LRBA: variants seen among roughly 807,000 people sequenced by gnomAD.
LRBA encodes the protein LPS responsive beige-like anchor protein, also known as lipopolysaccharide-responsive and beige-like anchor protein.
LRBA carries 176 observed loss-of-function variants against 330.0 expected under a neutral mutation model. The ratio of observed to expected loss-of-function variants is 0.53; its 90% CI spans 0.47 to 0.60. The LOEUF (loss-of-function observed/expected upper bound fraction) is 0.60, where lower values mean the gene tolerates loss of function less well. Among genes scored for constraint, LRBA ranks in the 20% least tolerant of loss-of-function variants. The pLI is 0.00. For missense variants in LRBA, 3,259 were observed against 3,444.8 expected (o/e 0.95, Z 1.35); for synonymous variants, 1,230 against 1,193.0 (o/e 1.03, Z -0.64).
chr4:150,559,825 AATATAAAATATAATAT>A (rs1767968128), intron 40 of LRBA, among the ~76,000 whole-genome samples: 1 of 60,874 alleles, frequency 1.6e-5, no homozygotes, highest in Non-Finnish European at 3.1e-5. Flanking sequence ...AATATATAAT[AATATAAAATATAATAT>A]ATATAATAAT....
chr4:150,529,684 T>C (rs1763849079), intron 40 of LRBA, among the ~76,000 whole-genome samples: 1 of 150,070 alleles, frequency 6.7e-6, no homozygotes, highest in African/African-American at 2.5e-5. Context: ...ATCATGCCAC[T>C]GCACTCCAGC....
At chr4:150,590,222 C>T (rs1270682354) in intron 39 of LRBA, among the ~76,000 whole-genome samples, 2 of 152,256 alleles carry the variant, frequency 1.3e-5, no homozygotes, top group East Asian at 1.9e-4. Context: ...AAAATTCCTA[C>T]ATCAGGCAAA....
At chr4:150,304,550 A>G (rs985491750) in intron 52 of LRBA, among the ~76,000 whole-genome samples, 2 of 152,180 alleles carry the variant, frequency 1.3e-5, no homozygotes, top group African/African-American at 4.8e-5. Context: ...AAGTGTCTCT[A>G]GCTGCTAAAT....
intron 2 of LRBA, among the ~76,000 whole-genome samples, chr4:150,964,373 C>A (rs1030298115): frequency 2.7e-5 from 4 of 149,506 alleles, no homozygotes; most frequent in Non-Finnish European, 5.9e-5. Context: ...GCGGTTTTGT[C>A]GAATAGAAAA....
intron 37 of LRBA, among the ~76,000 whole-genome samples, chr4:150,641,093 C>A (rs1778633778): frequency 1.3e-5 from 2 of 152,168 alleles, no homozygotes; most frequent in African/African-American, 4.8e-5. Flanking sequence ...CTGGAATTCA[C>A]ATACTGTGTG....
chr4:150,892,931 TAACTC>T (rs1287663739), intron 17 of LRBA, 116 bp downstream of exon 17: 18 of 592,454 alleles, frequency 3.0e-5, no homozygotes, highest in Admixed American at 6.4e-5. Flanking sequence ...TCTTAAATCT[TAACTC>T]ATTTCATGCT....
chr4:150,603,346 T>C (rs1581790561), intron 37 of LRBA, among the ~76,000 whole-genome samples: 1 of 152,226 alleles, frequency 6.6e-6, no homozygotes, highest in East Asian at 1.9e-4. Flanking sequence ...TGTAAGTCTA[T>C]TGGACTTTTC....
chr4:150,940,868 GTT>G (rs1735596987), intron 2 of LRBA, among the ~76,000 whole-genome samples: 2 of 150,664 alleles, frequency 1.3e-5, no homozygotes, highest in African/African-American at 2.4e-5. Context: ...CCTTCTTTTT[GTT>G]TTCTTTCTTT....
intron 47 of LRBA, among the ~76,000 whole-genome samples, chr4:150,405,569 CTT>C (rs1174106299): frequency 1.3e-5 from 2 of 152,082 alleles, no homozygotes; most frequent in South Asian, 2.1e-4. Context: ...TTTTTCTCCT[CTT>C]AACTTCTTTA....
intron 2 of LRBA, among the ~76,000 whole-genome samples, chr4:150,932,184 C>T (rs1734574916): frequency 6.6e-6 from 1 of 151,826 alleles, no homozygotes; most frequent in Non-Finnish European, 1.5e-5. Flanking sequence ...GATTTCTGGA[C>T]TTCATATTGA....
At chr4:150,873,983 T>A (rs1439099195) in intron 17 of LRBA, among the ~76,000 whole-genome samples, 1 of 152,184 alleles carries the variant, frequency 6.6e-6, no homozygotes, top group Non-Finnish European at 1.5e-5. Context: ...CAGTCAATCA[T>A]TAGGAAAATA....
At chr4:150,618,794 G>A (rs1258123900) in intron 37 of LRBA, among the ~76,000 whole-genome samples, 1 of 150,464 alleles carries the variant, frequency 6.6e-6, no homozygotes, top group Non-Finnish European at 1.5e-5. Flanking sequence ...TTTTAATTAT[G>A]TAGTAAATTC....
chr4:150,781,036 C>T (rs1403380639), intron 34 of LRBA, among the ~76,000 whole-genome samples: 1 of 152,026 alleles, frequency 6.6e-6, no homozygotes, highest in Non-Finnish European at 1.5e-5. Context: ...CCCACCACCA[C>T]GCCTGGCTAA....
intron 50 of LRBA, among the ~76,000 whole-genome samples, chr4:150,319,540 T>A (rs1732197826): frequency 6.6e-6 from 1 of 152,208 alleles, no homozygotes; most frequent in Non-Finnish European, 1.5e-5. Flanking sequence ...AATATAAGTA[T>A]GTTATTTTCA....
chr4:150,851,355 T>C (rs1750592619), intron 23 of LRBA, among the ~76,000 whole-genome samples: 1 of 152,060 alleles, frequency 6.6e-6, no homozygotes, highest in Non-Finnish European at 1.5e-5. Flanking sequence ...AAGAATTGAA[T>C]AAAGTGGAAA....
At chr4:150,317,536 GTC>G (rs1280407827) in intron 50 of LRBA, among the ~76,000 whole-genome samples, 6 of 152,072 alleles carry the variant, frequency 3.9e-5, no homozygotes, top group African/African-American at 1.4e-4. Context: ...GCTGATTACT[GTC>G]TCTGCTGGCA....
chr4:150,439,682 A>G lies in LRBA; in HGVS notation c.6781-2818T>C, dbSNP rs1321411026. On this transcript the variant is annotated intron_variant, in intron 44 of 56. Coordinates refer to ENST00000651943, the MANE Select transcript of LRBA (RefSeq NM_001364905.1). ...CTTTGCTGCAGTTGGAAGGCTACAT[A>G]TTGTTTACTGCTATAAATTAATGGC... is the stretch of plus-strand genomic sequence containing the variant. 2.0e-5 allele frequency among the ~76,000 whole-genome samples: 3 copies of G among 152,286 alleles called. No homozygotes were observed. In the East Asian group the frequency reaches 5.8e-4, roughly 29 times the overall value.
At chr4:150,423,318 G>T in intron 46 of LRBA, 1 of 748,314 alleles carries the variant, frequency 1.3e-6, no homozygotes, top group Non-Finnish European at 2.3e-6. Context: ...CCTCTCCCTG[G>T]GGGACGAGCT....
intron 34 of LRBA, among the ~76,000 whole-genome samples, chr4:150,775,863 T>G (rs1375202324): frequency 4.9e-3 from 324 of 66,518 alleles, no homozygotes; most frequent in Middle Eastern, 0.013. Flanking sequence ...GAAGGACGAG[T>G]AAGGGAAGAG....
Sources: gnomAD v4.1 joint callset for allele counts (sites outside exome capture counted in the v4.1 genomes callset) on GRCh38, gnomAD v4.1.1 for gene constraint, MANE v1.5 for transcripts, NCBI Gene and HGNC (gene_info 2026-07-23, HGNC 2026-07-21) for gene names.